The following PPM1E variants were observed in gnomAD, a reference collection of about 807,000 sequenced individuals.
PPM1E encodes the protein protein phosphatase, Mg2+/Mn2+ dependent 1E.
Under a neutral mutation model 65.9 loss-of-function variants are expected in PPM1E, and 20 were observed. The observed-to-expected ratio is 0.30, with a 90% confidence interval of 0.21 to 0.44. The LOEUF (loss-of-function observed/expected upper bound fraction) is 0.44. Among genes scored for constraint, PPM1E ranks in the 20% least tolerant of loss-of-function variants. The pLI, the probability that PPM1E is intolerant of heterozygous loss-of-function variation, is 1.00. For synonymous variants in PPM1E, 352 were observed against 374.9 expected (o/e 0.94, Z 0.70); for missense variants, 713 against 953.1 (o/e 0.75, Z 3.32).
At chr17:58,941,484 A>G (rs571659223) in intron 1 of PPM1E, among the ~76,000 whole-genome samples, 42 of 150,250 alleles carry the variant, frequency 2.8e-4, no homozygotes, top group African/African-American at 1.0e-3. Context: ...CATGAGGTCA[A>G]GAGATCGAGA....
intron 1 of PPM1E, among the ~76,000 whole-genome samples, chr17:58,878,594 C>T (rs1452382117): frequency 2.0e-5 from 3 of 150,582 alleles, no homozygotes; most frequent in South Asian, 2.1e-4. Context: ...TTGGAGGATT[C>T]GTTTAGAGTA....
intron 1 of PPM1E, among the ~76,000 whole-genome samples, chr17:58,794,496 A>T (rs904048479): frequency 6.6e-6 from 1 of 152,146 alleles, no homozygotes; most frequent in Admixed American, 6.6e-5. Flanking sequence ...TGGTGTACAG[A>T]TTATTTCATC....
At chr17:58,813,811 A>G (rs1166464455) in intron 1 of PPM1E, among the ~76,000 whole-genome samples, 2 of 152,110 alleles carry the variant, frequency 1.3e-5, no homozygotes, top group Admixed American at 1.3e-4. Context: ...TGCCTTTTTG[A>G]GAAGTAGACA....
chr17:58,914,226 G>A (rs2051660292), intron 1 of PPM1E, among the ~76,000 whole-genome samples: 1 of 152,204 alleles, frequency 6.6e-6, no homozygotes, highest in East Asian at 1.9e-4. Context: ...TTATCATGGT[G>A]TGTTTGACAA....
chr17:58,801,750 T>C (rs1340984130), intron 1 of PPM1E, among the ~76,000 whole-genome samples: 1 of 150,908 alleles, frequency 6.6e-6, no homozygotes, highest in Non-Finnish European at 1.5e-5. Context: ...TCCCCTTCAG[T>C]TTTTTTTTAA....
intron 3 of PPM1E, 96 bp downstream of exon 3, chr17:58,965,989 A>T (rs955370860): frequency 1.3e-5 from 17 of 1,281,850 alleles, no homozygotes; most frequent in Middle Eastern, 2.4e-4. Flanking sequence ...TATATTTCTA[A>T]TTGTATCTCT....
chr17:58,883,950 A>AT (rs1336793349), intron 1 of PPM1E, among the ~76,000 whole-genome samples: 2 of 152,200 alleles, frequency 1.3e-5, no homozygotes, highest in African/African-American at 4.8e-5. Context: ...AAAAAAATAA[A>AT]AATAAAAAAT....
chr17:58,858,547 A>G (rs915862811), intron 1 of PPM1E, among the ~76,000 whole-genome samples: 1 of 151,088 alleles, frequency 6.6e-6, no homozygotes, highest in Admixed American at 6.6e-5. Flanking sequence ...GCCTCCAAAT[A>G]TGAGTGAGTA....
intron 1 of PPM1E, among the ~76,000 whole-genome samples, chr17:58,796,272 T>C (rs1258958581): frequency 6.6e-6 from 1 of 152,172 alleles, no homozygotes; most frequent in Non-Finnish European, 1.5e-5. Flanking sequence ...CTCGAATTCC[T>C]GGCCTCCCAT....
chr17:58,869,143 C>G (rs2143336153), intron 1 of PPM1E, among the ~76,000 whole-genome samples: 1 of 152,300 alleles, frequency 6.6e-6, no homozygotes, highest in Middle Eastern at 3.4e-3. Context: ...GCACACCAGC[C>G]TGGGTGACAG....
rs182016994 is a variant in PPM1E at position 58,901,103 on chromosome 17, G to T, written c.465-54546G>T. ...CCACCACATCATGCCACAGCATGAT[G>T]CTTTACACTTTGGGAATGAATGCAT... On this transcript the variant is annotated intron_variant, in intron 1 of 6. Transcript: ENST00000308249. 1.4e-4 allele frequency among the ~76,000 whole-genome samples: 22 copies of T among 152,224 alleles called. No individual in the cohort carries two copies. In the East Asian group the frequency reaches 4.2e-3, roughly 29 times the overall value.
intron 1 of PPM1E, among the ~76,000 whole-genome samples, chr17:58,900,107 A>G (rs1223073062): frequency 6.6e-6 from 1 of 152,086 alleles, no homozygotes; most frequent in African/African-American, 2.4e-5. Context: ...GAATCTACTC[A>G]TGGTGTAGAT....
rs2031338616 is a variant in PPM1E, at chr17:58,981,203, A to G, written c.*172A>G. 1 of 579,396 alleles carries G rather than the reference A, an allele frequency of 1.7e-6. No individual in the cohort carries two copies. Among genetic ancestry groups the G allele is most frequent in the Admixed American group, 3.5e-5 (1 of 28,490 alleles). The allele number at this position is 579,396 out of a possible 1,614,324, so 35.9% of individuals were successfully genotyped here. ...ACTCAAAGTACAGTGTTTTCAATCT[A>G]AAAAGAAGTATTGGCAGTTTCACTT... On this transcript the variant is annotated 3_prime_UTR_variant, in exon 7 of 7. Coordinates refer to ENST00000308249, the MANE Select transcript of PPM1E (RefSeq NM_014906.5).
chr17:58,961,041 G>T (rs1240593103), intron 2 of PPM1E, among the ~76,000 whole-genome samples: 6 of 152,014 alleles, frequency 3.9e-5, no homozygotes, highest in Admixed American at 3.9e-4. Context: ...AAAATGTTTA[G>T]AAAGTTCATC....
intron 1 of PPM1E, among the ~76,000 whole-genome samples, chr17:58,776,051 T>C (rs916530747): frequency 3.4e-5 from 5 of 145,450 alleles, no homozygotes; most frequent in African/African-American, 1.3e-4. Flanking sequence ...AAATAAAAAA[T>C]AAAGGCCAGA....
chr17:58,775,494 C>A (rs2049984787), intron 1 of PPM1E, among the ~76,000 whole-genome samples: 1 of 152,164 alleles, frequency 6.6e-6, no homozygotes, highest in Non-Finnish European at 1.5e-5. Context: ...CCAGCAGTTA[C>A]ATGGCAGATA....
At position 58,770,000 on chromosome 17, in the gene PPM1E, C is replaced by T. The variant is rs867775330; in HGVS notation, c.464+13539C>T. On this transcript the variant is annotated intron_variant, in intron 1 of 6. Transcript: ENST00000308249. ...TGAGATTGTGCCACTGCATTCCAGC[C>T]TGGGTGACAGAGCAAAACTCTATCT... Among the ~76,000 whole-genome samples the T allele has an allele frequency of 5.3e-5, 8 of 152,124 alleles. No individual in the cohort carries two copies. The South Asian group carries it at 1.7e-3, about 32-fold the overall frequency.
chr17:58,838,385 C>T (rs1309072784), intron 1 of PPM1E, among the ~76,000 whole-genome samples: 1 of 152,130 alleles, frequency 6.6e-6, no homozygotes, highest in East Asian at 1.9e-4. Context: ...TGAACAGACA[C>T]CTCAATAAAG....
intron 1 of PPM1E, among the ~76,000 whole-genome samples, chr17:58,849,219 C>G (rs1237704706): frequency 1.3e-5 from 2 of 152,084 alleles, no homozygotes; most frequent in African/African-American, 4.8e-5. Flanking sequence ...TTCAAAAAAC[C>G]AGCTCCTGGA....
Sources: gnomAD v4.1 joint callset for allele counts (sites outside exome capture counted in the v4.1 genomes callset) on GRCh38, gnomAD v4.1.1 for gene constraint, MANE v1.5 for transcripts, NCBI Gene and HGNC (gene_info 2026-07-23, HGNC 2026-07-21) for gene names.